MAGI3: variants seen among roughly 807,000 people sequenced by gnomAD.
The protein encoded by MAGI3 is membrane associated guanylate kinase, WW and PDZ domain containing 3.
MAGI3 carries 43 observed loss-of-function variants against 121.8 expected under a neutral mutation model. The ratio of observed to expected loss-of-function variants is 0.35; its 90% CI spans 0.28 to 0.46. MAGI3 has a LOEUF of 0.46. Among genes scored for constraint, MAGI3 ranks in the 20% least tolerant of loss-of-function variants. The pLI is 1.00. For missense variants in MAGI3, 1,547 were observed against 1,797.3 expected (o/e 0.86, Z 2.52); for synonymous variants, 553 against 639.3 (o/e 0.86, Z 2.04).
At chr1:113,553,993 G>A (rs1292612507) in intron 2 of MAGI3, among the ~76,000 whole-genome samples, 2 of 152,218 alleles carry the variant, frequency 1.3e-5, no homozygotes, top group African/African-American at 2.4e-5. Context: ...TGGTGACAGA[G>A]CGAGACTACG....
At chr1:113,682,755 T>C in intron 20 of MAGI3, 142 bp from the exon 21 acceptor site, 1 of 1,423,310 alleles carries the variant, frequency 7.0e-7, no homozygotes, top group East Asian at 2.5e-5. Flanking sequence ...GAGAGATATG[T>C]TGTAAACATA....
At chr1:113,529,824 T>G (rs746412691) in intron 1 of MAGI3, among the ~76,000 whole-genome samples, 18 of 152,116 alleles carry the variant, frequency 1.2e-4, no homozygotes, top group Non-Finnish European at 2.1e-4. Context: ...ATGATGAATA[T>G]ATAATCATGC....
intron 4 of MAGI3, among the ~76,000 whole-genome samples, chr1:113,589,048 G>A (rs12060671): frequency 0.013 from 1,952 of 152,228 alleles, 17 homozygotes; most frequent in Middle Eastern, 0.017. Flanking sequence ...TATAATTGGA[G>A]GGTTAGCCCT....
chr1:113,564,151 G>C (rs145372827), intron 2 of MAGI3, among the ~76,000 whole-genome samples: 30 of 152,240 alleles, frequency 2.0e-4, no homozygotes, highest in African/African-American at 7.2e-4. Context: ...TACTAGTAGC[G>C]CTCCCAGGAG....
chr1:113,609,147 C>G (rs1371953693), intron 6 of MAGI3, among the ~76,000 whole-genome samples: 1 of 152,178 alleles, frequency 6.6e-6, no homozygotes, highest in African/African-American at 2.4e-5. Flanking sequence ...ACTTTCCTCT[C>G]TACACTTTGT....
intron 9 of MAGI3, among the ~76,000 whole-genome samples, chr1:113,640,136 A>C (rs1267216868): frequency 2.0e-5 from 3 of 152,248 alleles, no homozygotes; most frequent in African/African-American, 4.8e-5. Flanking sequence ...AAAAAGCTCA[A>C]CATCGCTGAT....
At chr1:113,633,540 C>T (rs1255927099) in intron 9 of MAGI3, among the ~76,000 whole-genome samples, 1 of 152,020 alleles carries the variant, frequency 6.6e-6, no homozygotes, top group African/African-American at 2.4e-5. Context: ...GGATTACAGG[C>T]GTGAGCCACC....
At chr1:113,623,496 ATTT>A (rs56058691) in intron 9 of MAGI3, among the ~76,000 whole-genome samples, 17 of 45,442 alleles carry the variant, frequency 3.7e-4, no homozygotes, top group African/African-American at 1.4e-3. Flanking sequence ...ACATATATAT[ATTT>A]TTTTTTGAGA....
chr1:113,459,731 C>T (rs1207372472), intron 1 of MAGI3, among the ~76,000 whole-genome samples: 1 of 152,018 alleles, frequency 6.6e-6, no homozygotes, highest in Admixed American at 6.6e-5. Context: ...CTGAAACCCT[C>T]AAAAATACAA....
At chr1:113,549,884 C>T (rs1044156046) in intron 2 of MAGI3, among the ~76,000 whole-genome samples, 7 of 151,538 alleles carry the variant, frequency 4.6e-5, no homozygotes, top group African/African-American at 9.7e-5. Flanking sequence ...TTTGGGAGGC[C>T]GAGGTGGGTG....
In MAGI3 at chr1:113,681,246, A is replaced by G; in HGVS notation, c.3238A>G (p.Thr1080Ala). 1.2e-6 allele frequency: 2 copies of G among 1,614,124 alleles called. No individual in the cohort carries two copies. The highest frequency in any genetic ancestry group is 1.7e-6 in the Non-Finnish European group (2 of 1,180,000). Residue 1080 changes from threonine (T) to alanine (A), a missense_variant, in exon 20 of 21, where the codon ACA becomes GCA. Coordinates refer to ENST00000307546, the MANE Select transcript of MAGI3 (RefSeq NM_001142782.2). ...CAATGGGGAACCTACACAAGGAATCACACATACTCGAGCAATTGAGCTCAT... is the reference window on the plus strand; with the variant it reads ...CAATGGGGAACCTACACAAGGAATCGCACATACTCGAGCAATTGAGCTCAT... The part of the protein sequence containing the change: ...EINGEPTQGI[T>A]HTRAIELIQA...
chr1:113,551,689 A>G (rs1050667403), intron 2 of MAGI3, among the ~76,000 whole-genome samples: 3 of 152,124 alleles, frequency 2.0e-5, no homozygotes, highest in Admixed American at 2.0e-4. Flanking sequence ...GAAACTTCTT[A>G]AATTTTTATT....
At chr1:113,406,230 A>G (rs1651672764) in intron 1 of MAGI3, among the ~76,000 whole-genome samples, 1 of 150,140 alleles carries the variant, frequency 6.7e-6, no homozygotes, top group African/African-American at 2.5e-5. Flanking sequence ...GCTTGAGCCC[A>G]GGAGTTTGAG....
At chr1:113,447,875 C>G (rs1351631846) in intron 1 of MAGI3, among the ~76,000 whole-genome samples, 1 of 151,814 alleles carries the variant, frequency 6.6e-6, no homozygotes, top group East Asian at 1.9e-4. Context: ...AATTGTGCAA[C>G]TATCATCAAT....
At chr1:113,459,213 A>G (rs1003914692) in intron 1 of MAGI3, among the ~76,000 whole-genome samples, 62 of 152,342 alleles carry the variant, frequency 4.1e-4, no homozygotes, top group African/African-American at 1.4e-3. Flanking sequence ...AACACTTTCA[A>G]TTGAAAAGTA....
intron 1 of MAGI3, among the ~76,000 whole-genome samples, chr1:113,475,696 G>A (rs1037614139): frequency 6.6e-6 from 1 of 152,026 alleles, no homozygotes; most frequent in Non-Finnish European, 1.5e-5. Flanking sequence ...CTCTTTTTTT[G>A]TTGTGTCTCT....
chr1:113,466,513 G>A (rs1033360642), intron 1 of MAGI3, among the ~76,000 whole-genome samples: 1 of 152,032 alleles, frequency 6.6e-6, no homozygotes, highest in Non-Finnish European at 1.5e-5. Flanking sequence ...AAGGAGTTTG[G>A]ATATATTCCC....
Position 113,391,357 on chromosome 1 carries a change from G to C in MAGI3, c.316+8G>C. ...TCAAGACTGTGAAACCAGGTACGCC[G>C]GCCCTGCGTATCTGTCTCGGGGTGT... is the stretch of plus-strand genomic sequence containing the variant. On this transcript the variant is annotated splice_region_variant and intron_variant, in intron 1 of 20. Transcript: ENST00000307546. This position sits in a 1 kb window ranked among gnomAD's most constrained non-coding sequence, Gnocchi z 4.4. 6.3e-7 allele frequency: 1 copy of C among 1,583,968 alleles called. No individual in the cohort carries two copies. The highest frequency in any genetic ancestry group is 8.6e-7 in the Non-Finnish European group (1 of 1,166,114).
rs1186726182 is a variant in MAGI3 at position 113,641,051 on chromosome 1, T to G, written c.1361-860T>G. On this transcript the variant is annotated intron_variant, in intron 9 of 20. Transcript: ENST00000307546. Reference sequence around the variant, plus strand: ...TATATGATATATATAATATATATGATATATTATATATGATATATATAATAT... The same window carrying G: ...TATATGATATATATAATATATATGAGATATTATATATGATATATATAATAT... Among the ~76,000 whole-genome samples, 37 of 100,774 alleles carry G rather than the reference T, an allele frequency of 3.7e-4. 2 individuals carry two copies. Among genetic ancestry groups the G allele is most frequent in the African/African-American group, 1.4e-3 (33 of 23,052 alleles). 66.1% of individuals were successfully genotyped at this position (100,774 alleles called of 152,430 possible). A position where few individuals can be genotyped will look rare whatever the true frequency, so the allele number is the denominator to read the frequency against.
Sources: gnomAD v4.1 joint callset for allele counts (sites outside exome capture counted in the v4.1 genomes callset) on GRCh38, gnomAD v4.1.1 for gene constraint, Gnocchi (gnomAD v3.1) non-coding constraint, MANE v1.5 for transcripts, NCBI Gene and HGNC (gene_info 2026-07-23, HGNC 2026-07-21) for gene names.